PDE4D: variants seen among roughly 807,000 people sequenced by gnomAD.
PDE4D encodes 3',5'-cyclic-AMP phosphodiesterase 4D.
In PDE4D, 24 loss-of-function variants were observed where a neutral mutation model predicts 87.4. The observed-to-expected ratio is 0.27, with a 90% CI of 0.20 to 0.39. The LOEUF is 0.39. Ranked by LOEUF, PDE4D falls within the 10% of genes least tolerant of loss-of-function variation. PDE4D has a pLI of 1.00. For missense variants in PDE4D, 714 were observed against 1,041.0 expected, an observed-to-expected ratio of 0.69 and a Z score of 4.32; for synonymous variants, 384 against 383.2, an observed-to-expected ratio of 1.00 and a Z score of -0.02.
chr5:60,050,639 A>T (rs900343989), intron 2 of PDE4D, among the ~76,000 whole-genome samples: 1 of 152,220 alleles, frequency 6.6e-6, no homozygotes, highest in African/African-American at 2.4e-5. Flanking sequence ...AATGGGCAAA[A>T]TAACCAGCTA....
At chr5:59,338,764 C>G (rs1001090478) in intron 1 of PDE4D, among the ~76,000 whole-genome samples, 2 of 152,130 alleles carry the variant, frequency 1.3e-5, no homozygotes. Context: ...CTAATTTGAA[C>G]AAAACTGCTA....
At chr5:59,810,577 G>C (rs1768237000) in intron 1 of PDE4D, among the ~76,000 whole-genome samples, 1 of 152,152 alleles carries the variant, frequency 6.6e-6, no homozygotes, top group East Asian at 1.9e-4. Context: ...GTCTAGCTCT[G>C]CCATTCAGAA....
At chr5:59,425,769 TA>T (rs1351957867) in intron 1 of PDE4D, among the ~76,000 whole-genome samples, 2 of 152,192 alleles carry the variant, frequency 1.3e-5, no homozygotes, top group Non-Finnish European at 2.9e-5. Context: ...TCATGCCCAT[TA>T]TTGAGTCCAC....
chr5:59,799,672 CT>C (rs945758715), intron 1 of PDE4D, among the ~76,000 whole-genome samples: 2 of 152,134 alleles, frequency 1.3e-5, no homozygotes, highest in Non-Finnish European at 2.9e-5. Flanking sequence ...TTTTGTTTTG[CT>C]TTGTCTTGCT....
chr5:59,722,104 A>C (rs1382459759), intron 1 of PDE4D, among the ~76,000 whole-genome samples: 1 of 152,220 alleles, frequency 6.6e-6, no homozygotes, highest in East Asian at 1.9e-4. Flanking sequence ...ACAATTAAAA[A>C]GGTTTGAATA....
At chr5:59,572,258 C>A (rs1821963372) in intron 1 of PDE4D, among the ~76,000 whole-genome samples, 1 of 152,136 alleles carries the variant, frequency 6.6e-6, no homozygotes, top group African/African-American at 2.4e-5. Context: ...ATTCTAAAAT[C>A]TAGTGCTATA....
At chr5:60,100,179 T>C (rs1776078585) in intron 2 of PDE4D, among the ~76,000 whole-genome samples, 1 of 151,910 alleles carries the variant, frequency 6.6e-6, no homozygotes. Context: ...AGGAAATTGA[T>C]AAAAATGGAA....
At chr5:59,487,114 A>G (rs1805285842) in intron 1 of PDE4D, among the ~76,000 whole-genome samples, 1 of 152,198 alleles carries the variant, frequency 6.6e-6, no homozygotes, top group South Asian at 2.1e-4. Context: ...AAACTGAAAC[A>G]AGCAAACAAA....
At chr5:59,868,753 C>T (rs141282864) in intron 1 of PDE4D, among the ~76,000 whole-genome samples, 4 of 152,222 alleles carry the variant, frequency 2.6e-5, no homozygotes, top group East Asian at 1.9e-4. Flanking sequence ...AGTTCTCCTG[C>T]GAAATAATAC....
chr5:59,005,433 T>G (rs1266276275), intron 6 of PDE4D, among the ~76,000 whole-genome samples: 2 of 152,202 alleles, frequency 1.3e-5, no homozygotes, highest in Non-Finnish European at 2.9e-5. Flanking sequence ...TAAGAAATCT[T>G]TTCAAAAATC....
intron 2 of PDE4D, among the ~76,000 whole-genome samples, chr5:60,123,121 G>T (rs1357533947): frequency 5.3e-5 from 8 of 152,124 alleles, no homozygotes; most frequent in African/African-American, 1.9e-4. Flanking sequence ...CAGGCTTTGG[G>T]TCAAAGCCAT....
intron 2 of PDE4D, among the ~76,000 whole-genome samples, chr5:60,020,368 G>A (rs116690057): frequency 1.2e-3 from 177 of 152,274 alleles, no homozygotes; most frequent in Non-Finnish European, 2.1e-3. Context: ...TGGAAAAATG[G>A]CATCAATACA....
At chr5:59,332,590 C>A (rs1268287953) in intron 1 of PDE4D, among the ~76,000 whole-genome samples, 1 of 152,194 alleles carries the variant, frequency 6.6e-6, no homozygotes, top group African/African-American at 2.4e-5. Context: ...AAAAACTATA[C>A]ATTAATACAG....
intron 2 of PDE4D, among the ~76,000 whole-genome samples, chr5:60,143,086 C>T (rs868578799): frequency 1.9e-4 from 29 of 152,268 alleles, no homozygotes; most frequent in African/African-American, 6.5e-4. Context: ...GACACCCTCA[C>T]GGTAGCTGGG....
At chr5:60,449,428 G>A (rs889359554) in intron 1 of PDE4D, among the ~76,000 whole-genome samples, 5 of 146,124 alleles carry the variant, frequency 3.4e-5, no homozygotes, top group Non-Finnish European at 7.5e-5. Flanking sequence ...TCACTCATAG[G>A]TGGGAATTGA....
intron 1 of PDE4D, among the ~76,000 whole-genome samples, chr5:59,315,595 G>C (rs1222762252): frequency 6.6e-6 from 1 of 152,108 alleles, no homozygotes; most frequent in Non-Finnish European, 1.5e-5. Context: ...AATGATAGAT[G>C]GTCATGGCTG....
chr5:59,027,039 T>C (rs1447797789), intron 6 of PDE4D, among the ~76,000 whole-genome samples: 1 of 152,190 alleles, frequency 6.6e-6, no homozygotes, highest in Non-Finnish European at 1.5e-5. Context: ...GGATACCACA[T>C]AATATTTAGT....
intron 1 of PDE4D, among the ~76,000 whole-genome samples, chr5:59,372,343 G>T (rs1199100344): frequency 6.6e-6 from 1 of 152,168 alleles, no homozygotes; most frequent in African/African-American, 2.4e-5. Context: ...TTAAACTCTA[G>T]AATGTTGGAC....
chr5:59,660,091 A>G (rs546141073), intron 1 of PDE4D, among the ~76,000 whole-genome samples: 4 of 152,248 alleles, frequency 2.6e-5, no homozygotes, highest in African/African-American at 9.6e-5. Context: ...AGGCTAAGGT[A>G]CAAGAATCAC....
Sources: allele counts gnomAD v4.1 joint callset (sites outside exome capture counted in the v4.1 genomes callset), GRCh38; gene constraint gnomAD v4.1.1; transcripts MANE v1.5; gene names NCBI Gene and HGNC (gene_info 2026-07-23, HGNC 2026-07-21).